KCNIP4: variants seen among roughly 807,000 people sequenced by gnomAD.
KCNIP4 encodes the protein potassium voltage-gated channel interacting protein 4.
In KCNIP4, 12 loss-of-function variants were observed where a neutral mutation model predicts 34.0. The ratio of observed to expected loss-of-function variants is 0.35; its 90% confidence interval spans 0.23 to 0.57. The LOEUF (loss-of-function observed/expected upper bound fraction) is 0.57, where lower values mean the gene tolerates loss of function less well. Among genes scored for constraint, KCNIP4 ranks in the 20% least tolerant of loss-of-function variants. The probability of loss-of-function intolerance (pLI) is 0.83; values close to 1 mark genes in which losing one functional copy is unlikely to be tolerated. For synonymous variants in KCNIP4, 124 were observed against 102.2 expected, an observed-to-expected ratio of 1.21 and a Z score of -1.29; for missense variants, 238 against 311.7, an observed-to-expected ratio of 0.76 and a Z score of 1.78.
chr4:21,767,492 G>A (rs563983591), intron 1 of KCNIP4, among the ~76,000 whole-genome samples: 19 of 151,944 alleles, frequency 1.3e-4, no homozygotes, highest in Non-Finnish European at 1.6e-4. Flanking sequence ...GAATAGAATG[G>A]TAACGGCAGC....
rs114344995 is a variant in KCNIP4, at chr4:21,305,135, A to G, written c.62-422426T>C. ...GAGACAGCATCTTAGAAAGCCAATT[A>G]AAGTCTCCTATTTCATAGATGAACA... On this transcript the variant is annotated intron_variant, in intron 1 of 8. Transcript: ENST00000382152. Among the ~76,000 whole-genome samples, 1,299 of 152,324 alleles carry G rather than the reference A, an allele frequency of 8.5e-3. 23 individuals carry two copies. Among genetic ancestry groups the G allele is most frequent in the African/African-American group, 0.03 (1,245 of 41,564 alleles).
chr4:21,247,610 T>C, intron 1 of KCNIP4, among the ~76,000 whole-genome samples: 1 of 136,706 alleles, frequency 7.3e-6, no homozygotes, highest in African/African-American at 2.7e-5. Context: ...AGATGGTATA[T>C]ATATTTATAT....
At chr4:20,764,681 G>GACACACACACACAC (rs5856578) in intron 3 of KCNIP4, among the ~76,000 whole-genome samples, 2,902 of 147,162 alleles carry the variant, frequency 0.02, 57 homozygotes, top group African/African-American at 0.053. Context: ...ATGGGAATTG[G>GACACACACACACAC]ACACACACAC....
intron 3 of KCNIP4, among the ~76,000 whole-genome samples, chr4:20,816,157 G>A (rs1325545603): frequency 6.6e-6 from 1 of 152,026 alleles, no homozygotes; most frequent in East Asian, 1.9e-4. Flanking sequence ...GGGAGGCTGA[G>A]GCAGGAGAAT....
At chr4:20,923,276 C>T (rs1729582179) in intron 1 of KCNIP4, among the ~76,000 whole-genome samples, 1 of 152,178 alleles carries the variant, frequency 6.6e-6, no homozygotes. Context: ...ACACCATAAG[C>T]AGGCTAGCTA....
chr4:21,652,606 C>G lies in KCNIP4; in HGVS notation c.61+295965G>C, dbSNP rs1165954977. 3.3e-5 allele frequency among the ~76,000 whole-genome samples: 5 copies of G among 152,134 alleles called. No individual in the cohort carries two copies. The East Asian group carries it at 7.7e-4, about 23-fold the overall frequency. On this transcript the variant is annotated intron_variant, in intron 1 of 8. Transcript: ENST00000382152. The stretch of plus-strand genomic sequence containing the variant: ...ATAAGGAAAATAAATTTTCCTTGAG[C>G]CACATGCTACAAGTGCCAAATTTTC...
intron 1 of KCNIP4, among the ~76,000 whole-genome samples, chr4:21,516,053 C>G (rs1228145481): frequency 6.6e-6 from 1 of 152,074 alleles, no homozygotes; most frequent in Non-Finnish European, 1.5e-5. Flanking sequence ...GATTATTGTT[C>G]AATGACAGAA....
chr4:21,155,974 C>A (rs1226704767), intron 1 of KCNIP4, among the ~76,000 whole-genome samples: 1 of 152,134 alleles, frequency 6.6e-6, no homozygotes, highest in Non-Finnish European at 1.5e-5. Flanking sequence ...TCATTGGACA[C>A]AACTTTATAC....
At chr4:21,900,651 C>A (rs887800069) in intron 1 of KCNIP4, among the ~76,000 whole-genome samples, 1 of 152,166 alleles carries the variant, frequency 6.6e-6, no homozygotes, top group Admixed American at 6.6e-5. Context: ...GAATATACTA[C>A]ATTTGTAAAA....
At chr4:21,868,256 TG>T (rs1463649507) in intron 1 of KCNIP4, among the ~76,000 whole-genome samples, 1 of 152,190 alleles carries the variant, frequency 6.6e-6, no homozygotes, top group Non-Finnish European at 1.5e-5. Flanking sequence ...AACAATAAAA[TG>T]GGATTATCAA....
chr4:21,102,900 A>G (rs996927981), intron 1 of KCNIP4, among the ~76,000 whole-genome samples: 3 of 152,140 alleles, frequency 2.0e-5, no homozygotes, highest in African/African-American at 7.2e-5. Context: ...TTTCTGGGGT[A>G]TACTCCTTTT....
At chr4:20,952,698 TTAATTTAA>T (rs1350509635) in intron 1 of KCNIP4, among the ~76,000 whole-genome samples, 1 of 152,266 alleles carries the variant, frequency 6.6e-6, no homozygotes, top group Admixed American at 6.5e-5. Context: ...AAATTAATTA[TTAATTTAA>T]TATGACAGCA....
At chr4:20,837,300 C>G (rs1434882097) in intron 3 of KCNIP4, among the ~76,000 whole-genome samples, 3 of 152,136 alleles carry the variant, frequency 2.0e-5, no homozygotes, top group African/African-American at 7.2e-5. Flanking sequence ...GACTTAGAGT[C>G]TCACACACTC....
intron 1 of KCNIP4, among the ~76,000 whole-genome samples, chr4:21,558,125 A>G (rs949358768): frequency 6.6e-6 from 1 of 152,194 alleles, no homozygotes; most frequent in Non-Finnish European, 1.5e-5. Context: ...AGCACACTGC[A>G]TCCAAGGGCT....
chr4:21,244,069 C>T lies in KCNIP4; in HGVS notation c.62-361360G>A, dbSNP rs140569989. Among the ~76,000 whole-genome samples, 1,262 of 152,202 alleles carry T rather than the reference C, an allele frequency of 8.3e-3. 22 individuals are homozygous for T. The highest frequency in any genetic ancestry group is 0.029 in the African/African-American group (1,196 of 41,530). ...GTAAGAAAATTAGCACTGGCCCATTCGGTTAACCCAATATTTTAACAAAAT... is the reference window on the plus strand; with the variant it reads ...GTAAGAAAATTAGCACTGGCCCATTTGGTTAACCCAATATTTTAACAAAAT... On this transcript the variant is annotated intron_variant, in intron 1 of 8. Transcript: ENST00000382152.
chr4:21,055,728 C>T (rs1052297949), intron 1 of KCNIP4, among the ~76,000 whole-genome samples: 6 of 152,062 alleles, frequency 3.9e-5, no homozygotes, highest in Non-Finnish European at 7.4e-5. Flanking sequence ...GTAATACATT[C>T]TAGAAGATGA....
At chr4:21,137,068 T>A (rs1052688254) in intron 1 of KCNIP4, among the ~76,000 whole-genome samples, 1 of 152,006 alleles carries the variant, frequency 6.6e-6, no homozygotes, top group African/African-American at 2.4e-5. Flanking sequence ...CAGGCTAATA[T>A]TTCCCTTTTC....
At chr4:21,094,659 A>C (rs720851) in intron 1 of KCNIP4, among the ~76,000 whole-genome samples, 24,233 of 152,082 alleles carry the variant, frequency 0.16, 2,038 homozygotes, top group East Asian at 0.23. Context: ...ATGAAGTTAT[A>C]TGACTTCTGA....
chr4:20,917,344 G>A (rs374605968), intron 1 of KCNIP4, among the ~76,000 whole-genome samples: 1 of 151,422 alleles, frequency 6.6e-6, no homozygotes, highest in Non-Finnish European at 1.5e-5. Flanking sequence ...TATATTTTTT[G>A]AATGACTCTT....
Sources: allele counts gnomAD v4.1 joint callset (sites outside exome capture counted in the v4.1 genomes callset), GRCh38; gene constraint gnomAD v4.1.1; transcripts MANE v1.5; gene names NCBI Gene and HGNC (gene_info 2026-07-23, HGNC 2026-07-21).